Variants in PGD observed in about 807,000 individuals in gnomAD.
PGD encodes 6-phosphogluconate dehydrogenase, decarboxylating.
In PGD, 21 loss-of-function variants were observed where a neutral mutation model predicts 60.4. The observed-to-expected ratio is 0.35, with a 90% CI of 0.25 to 0.50. PGD has a LOEUF of 0.50. PGD is among the 20% of genes least tolerant of loss of function. The probability of loss-of-function intolerance (pLI) is 0.98; values close to 1 mark genes in which losing one functional copy is unlikely to be tolerated. For synonymous variants in PGD, 230 were observed against 235.9 expected (o/e 0.97, Z 0.23); for missense variants, 477 against 613.1 (o/e 0.78, Z 2.34).
rs112234029 is a variant in PGD, at chr1:10,399,740, C to T, written c.84+36C>T. 2.1e-3 allele frequency: 3,345 copies of T among 1,594,938 alleles called. 66 individuals are homozygous for T. In the African/African-American group the frequency reaches 0.04, roughly 19 times the overall value. ...TGGGCGCGTTGTCTTCTCTCTGGTT[C>T]CCGGGCGCTTTAGCCGAGGCCGGCG... On this transcript the variant is annotated intron_variant, in intron 2 of 12. Coordinates refer to ENST00000270776, the MANE Select transcript of PGD (RefSeq NM_002631.4).
At chr1:10,407,762 A>G (rs553863143) in intron 5 of PGD, among the ~76,000 whole-genome samples, 3 of 152,128 alleles carry the variant, frequency 2.0e-5, no homozygotes, top group South Asian at 2.1e-4. Context: ...TCTGGGCAAC[A>G]TGGCAAAACC....
In PGD at chr1:10,418,806, T is replaced by C. The variant is rs748427914; in HGVS notation, c.1110-20T>C. 10 of 1,405,652 alleles carry C rather than the reference T, an allele frequency of 7.1e-6. No individual in the cohort carries two copies. Among genetic ancestry groups the C allele is most frequent in the East Asian group, 2.3e-5 (1 of 43,800 alleles). 87.1% of individuals were successfully genotyped at this position (1,405,652 alleles called of 1,614,324 possible). On this transcript the variant is annotated intron_variant, in intron 10 of 12. Coordinates refer to ENST00000270776, the MANE Select transcript of PGD (RefSeq NM_002631.4). ...AAAAAAAAAAGACTCATTGCTTTTT[T>C]CCCCCCTTGATTATTTCAGTGTATT... is the stretch of plus-strand genomic sequence containing the variant.
At chr1:10,405,425 C>CACACACACACATAT (rs548786254) in intron 5 of PGD, among the ~76,000 whole-genome samples, 2 of 149,570 alleles carry the variant, frequency 1.3e-5, no homozygotes, top group East Asian at 2.0e-4. Context: ...CACACACACA[C>CACACACACACATAT]ATATATATAA....
intron 3 of PGD, 33 bp downstream of exon 3, chr1:10,400,605 G>C (rs954728208): frequency 1.9e-6 from 3 of 1,541,346 alleles, no homozygotes; most frequent in Non-Finnish European, 2.6e-6. Context: ...CTGCTACCAC[G>C]ATAGCAGCTG....
intron 2 of PGD, among the ~76,000 whole-genome samples, chr1:10,400,190 C>T (rs943542684): frequency 6.6e-6 from 1 of 152,204 alleles, no homozygotes; most frequent in Admixed American, 6.5e-5. Context: ...GGTAGTTGGC[C>T]TTCGCCTCGG....
At chr1:10,415,303 T>C (rs1276741493) in intron 8 of PGD, 1 of 152,260 alleles carries the variant, frequency 6.6e-6, no homozygotes, top group Non-Finnish European at 1.5e-5. Context: ...GGAAGTTGGC[T>C]GCTTTTAGCC....
chr1:10,407,975 A>T, intron 5 of PGD, 96 bp from the exon 6 acceptor site: 2 of 737,942 alleles, frequency 2.7e-6, no homozygotes, highest in South Asian at 1.5e-5. Context: ...AAAGGAAAAG[A>T]TAGGGGTTGG....
intron 5 of PGD, among the ~76,000 whole-genome samples, chr1:10,405,482 C>T (rs979370378): frequency 4.0e-5 from 6 of 150,580 alleles, no homozygotes; most frequent in East Asian, 2.0e-4. Flanking sequence ...GTGGGCAATC[C>T]GCTTGCCCTG....
chr1:10,412,201 G>A (rs1408365950), intron 7 of PGD, among the ~76,000 whole-genome samples: 1 of 152,196 alleles, frequency 6.6e-6, no homozygotes, highest in Non-Finnish European at 1.5e-5. Context: ...GGTAAACATA[G>A]ATTTTAACTG....
At chr1:10,418,457 A>G (rs1639633305) in intron 10 of PGD, among the ~76,000 whole-genome samples, 1 of 152,290 alleles carries the variant, frequency 6.6e-6, no homozygotes, top group Admixed American at 6.5e-5. Flanking sequence ...ATCGGCTTCC[A>G]GCTTACTTCC....
chr1:10,416,429 T>G (rs1345044289), intron 8 of PGD, among the ~76,000 whole-genome samples: 1 of 152,250 alleles, frequency 6.6e-6, no homozygotes, highest in Non-Finnish European at 1.5e-5. Flanking sequence ...CCATGTCAAC[T>G]TTTGTGGCCT....
At position 10,420,040 on chromosome 1, in the gene PGD, C is replaced by A. The variant is rs1639666400; in HGVS notation, c.*291C>A. 2.6e-6 allele frequency: 1 copy of A among 391,348 alleles called. No homozygotes were observed. The highest frequency in any genetic ancestry group is 2.0e-5 in the African/African-American group (1 of 48,920). 24.2% of individuals were successfully genotyped at this position (391,348 alleles called of 1,614,324 possible). On this transcript the variant is annotated 3_prime_UTR_variant, in exon 13 of 13. Transcript: ENST00000270776. ...CCCCGTGTGCTGGTGCGGTTCCCAT[C>A]ACGCAGACAGGAAGGGTGTTTGCGC...
chr1:10,405,473 T>C (rs961010148), intron 5 of PGD, among the ~76,000 whole-genome samples: 1 of 151,262 alleles, frequency 6.6e-6, no homozygotes, highest in African/African-American at 2.4e-5. Context: ...TAAATAATTG[T>C]GGGCAATCCG....
Position 10,419,441 on chromosome 1 carries a change from A to G in PGD, c.1234A>G (p.Thr412Ala), listed in dbSNP as rs752444329. 1 of 1,614,020 alleles carries G rather than the reference A, an allele frequency of 6.2e-7. No homozygotes were observed. Among genetic ancestry groups the G allele is most frequent in the South Asian group, 1.1e-5 (1 of 91,080 alleles). ...CQDSWRRAVSTGVQAGIPMPC... is the reference protein window; with the variant it reads ...CQDSWRRAVSAGVQAGIPMPC... ...GGACTCCTGGCGGCGGGCAGTCAGCACTGGGGTCCAGGCTGGCATTCCCAT... is the reference window on the plus strand; with the variant it reads ...GGACTCCTGGCGGCGGGCAGTCAGCGCTGGGGTCCAGGCTGGCATTCCCAT... Residue 412 changes from threonine (T) to alanine (A), a missense_variant, in exon 12 of 13, where the codon ACT (threonine) becomes GCT (alanine). Thr to Ala is a moderately conservative substitution (Grantham distance 58, BLOSUM62 0). Around this residue, in one of 3 missense-constraint regions of PGD, gnomAD observed 431 missense variants for 556.6 expected, o/e 0.77. Transcript: ENST00000270776.
chr1:10,415,941 A>G (rs1177131546), intron 8 of PGD, among the ~76,000 whole-genome samples: 1 of 152,250 alleles, frequency 6.6e-6, no homozygotes, highest in African/African-American at 2.4e-5. Context: ...AAACCGTAAA[A>G]TATAAAAACC....
At chr1:10,402,921 T>TTCA in intron 3 of PGD, 150 bp from the exon 4 acceptor site, 1 of 631,326 alleles carries the variant, frequency 1.6e-6, no homozygotes, top group East Asian at 2.8e-5. Flanking sequence ...AGGGTTTCAG[T>TTCA]GAGCCATGTT....
intron 6 of PGD, among the ~76,000 whole-genome samples, chr1:10,409,595 C>T (rs1470550201): frequency 6.9e-6 from 1 of 144,390 alleles, no homozygotes; most frequent in Non-Finnish European, 1.5e-5. Context: ...GAGACCCTGT[C>T]TCTTAAACAG....
In PGD at chr1:10,417,000, T is replaced by C; in HGVS notation, c.858T>C (p.Phe286=). The C allele has an allele frequency of 6.2e-7, 1 of 1,613,684 alleles. No homozygotes were observed. The change falls in exon 9 of 13, where the codon TTT becomes TTC. Residue 286 remains phenylalanine, a synonymous_variant. Coordinates refer to ENST00000270776, the MANE Select transcript of PGD (RefSeq NM_002631.4). The part of the protein sequence containing the change: ...VPVTLIGEAV[F]ARCLSSLKDE... Reference sequence around the variant, plus strand: ...CTCCCCATGTAGGAGAAGCTGTCTTTGCTCGGTGCTTATCATCTCTGAAGG... The same window carrying C: ...CTCCCCATGTAGGAGAAGCTGTCTTCGCTCGGTGCTTATCATCTCTGAAGG...
At chr1:10,418,552 G>A (rs989699651) in intron 10 of PGD, among the ~76,000 whole-genome samples, 22 of 152,140 alleles carry the variant, frequency 1.4e-4, no homozygotes, top group South Asian at 2.1e-4. Flanking sequence ...CGAGGCAGGC[G>A]GATCACGAGG....
Sources: gnomAD v4.1 joint callset for allele counts (sites outside exome capture counted in the v4.1 genomes callset) on GRCh38, gnomAD v4.1.1 for gene constraint, gnomAD v4.1.1 regional missense constraint, MANE v1.5 for transcripts, NCBI Gene and HGNC (gene_info 2026-07-23, HGNC 2026-07-21) for gene names.